The following SKI variants were observed in gnomAD, a reference collection of about 807,000 sequenced individuals.
SKI encodes the protein ski oncogene.
In SKI, 23 loss-of-function variants were observed where a neutral mutation model predicts 59.3. The ratio of observed to expected loss-of-function variants is 0.39; its 90% CI spans 0.28 to 0.55. SKI has a LOEUF of 0.55. Among genes scored for constraint, SKI ranks in the 20% least tolerant of loss-of-function variants. SKI has a pLI of 0.67. For missense variants in SKI, 1,017 were observed against 1,038.9 expected, an observed-to-expected ratio of 0.98 and a Z score of 0.29; for synonymous variants, 673 against 488.6, an observed-to-expected ratio of 1.38 and a Z score of -4.98.
At chr1:2,289,286 G>A (rs532559132) in intron 1 of SKI, among the ~76,000 whole-genome samples, 1 of 152,332 alleles carries the variant, frequency 6.6e-6, no homozygotes, top group South Asian at 2.1e-4. Context: ...ACCTGTCTCA[G>A]TGGCCATGGC....
At chr1:2,239,541 C>T (rs1334671213) in intron 1 of SKI, among the ~76,000 whole-genome samples, 1 of 152,200 alleles carries the variant, frequency 6.6e-6, no homozygotes, top group Non-Finnish European at 1.5e-5. Flanking sequence ...GGGGACACAC[C>T]CTGGACCTGA....
rs1378330658 is a variant in SKI at position 2,270,078 on chromosome 1, C to T, written c.970-32900C>T. Among the ~76,000 whole-genome samples the T allele has an allele frequency of 6.6e-6, 1 of 152,164 alleles. No homozygotes were observed. Among genetic ancestry groups the T allele is most frequent in the East Asian group, 1.9e-4 (1 of 5,188 alleles). ...TCAGGCTGCCGATGGATGAGCCTGC[C>T]TGTCCCCCACGGATTGGAGTTTTGC... On this transcript the variant is annotated intron_variant, in intron 1 of 6. Coordinates refer to ENST00000378536, the MANE Select transcript of SKI (RefSeq NM_003036.4). This position sits in a 1 kb window ranked among gnomAD's most constrained non-coding sequence, Gnocchi z 4.1.
intron 1 of SKI, among the ~76,000 whole-genome samples, chr1:2,241,663 G>C (rs1302598317): frequency 6.6e-6 from 1 of 152,204 alleles, no homozygotes; most frequent in Admixed American, 6.5e-5. Context: ...AAAGTGCTAG[G>C]ATTACAGGTG....
In SKI at chr1:2,306,744, C is replaced by G; in HGVS notation, c.2166C>G (p.Gly722=). The change falls in exon 7 of 7, where the codon GGC becomes GGG. Residue 722 remains glycine (G), a synonymous_variant. Transcript: ENST00000378536. ...RARPEAAGSE[G]AAELEP Reference sequence around the variant, plus strand: ...GCCCCGAGGCTGCGGGCAGCGAGGGCGCTGCGGAGCTGGAGCCGTAGATTC... The same window carrying G: ...GCCCCGAGGCTGCGGGCAGCGAGGGGGCTGCGGAGCTGGAGCCGTAGATTC... 6.6e-7 allele frequency: 1 copy of G among 1,525,436 alleles called. No homozygotes were observed. Among genetic ancestry groups the G allele is most frequent in the Non-Finnish European group, 8.8e-7 (1 of 1,139,224 alleles). The allele number at this position is 1,525,436 out of a possible 1,614,324, so 94.5% of individuals were successfully genotyped here. A position where few individuals can be genotyped will look rare whatever the true frequency, so the allele number is the denominator to read the frequency against.
intron 1 of SKI, among the ~76,000 whole-genome samples, chr1:2,289,660 G>A (rs897238108): frequency 3.3e-5 from 5 of 150,202 alleles, no homozygotes; most frequent in African/African-American, 1.2e-4. Flanking sequence ...CCCGGGGCTG[G>A]CTGTAGCGGC....
chr1:2,286,741 C>T (rs533365050), intron 1 of SKI, among the ~76,000 whole-genome samples: 2 of 152,254 alleles, frequency 1.3e-5, no homozygotes, highest in East Asian at 1.9e-4. Context: ...GCGCCTGTCT[C>T]CCTCCCTCCC....
At chr1:2,236,176 C>T (rs541171300) in intron 1 of SKI, among the ~76,000 whole-genome samples, 1 of 151,912 alleles carries the variant, frequency 6.6e-6, no homozygotes, top group South Asian at 2.1e-4. Context: ...TGGGCTGCCT[C>T]TGCTGGGGTG....
chr1:2,300,479 C>T (rs1249218101), intron 1 of SKI, among the ~76,000 whole-genome samples: 1 of 152,196 alleles, frequency 6.6e-6, no homozygotes, highest in African/African-American at 2.4e-5. Flanking sequence ...GTGGTTTTGT[C>T]CCTGACCGAC....
chr1:2,238,872 G>T (rs1638806168), intron 1 of SKI, among the ~76,000 whole-genome samples: 1 of 152,168 alleles, frequency 6.6e-6, no homozygotes, highest in Non-Finnish European at 1.5e-5. Flanking sequence ...CTGCCTTCTG[G>T]GTTAGGGATA....
In SKI at chr1:2,228,949, G is replaced by C. The variant is rs774187595; in HGVS notation, c.183G>C (p.Pro61=). The C allele has an allele frequency of 2.9e-6, 4 of 1,395,612 alleles. No individual in the cohort carries two copies. Among genetic ancestry groups the C allele is most frequent in the Non-Finnish European group, 3.7e-6 (4 of 1,076,254 alleles). 86.5% of individuals were successfully genotyped at this position (1,395,612 alleles called of 1,614,324 possible). Residue 61 remains proline, a synonymous_variant, in exon 1 of 7, where the codon CCG becomes CCC. Coordinates refer to ENST00000378536, the MANE Select transcript of SKI (RefSeq NM_003036.4). Reference sequence around the variant, plus strand: ...AGGAGGCGGGCGCGGCCGCGGTGCCGGCGCCGGTGCCCGCAGCCACCGAGC... The same window carrying C: ...AGGAGGCGGGCGCGGCCGCGGTGCCCGCGCCGGTGCCCGCAGCCACCGAGC... The part of the protein sequence containing the change: ...SAKEAGAAAV[P]APVPAATEPP...
At chr1:2,306,468 G>A (rs947900497) in intron 6 of SKI, 109 bp from the exon 7 acceptor site, 1 of 1,202,892 alleles carries the variant, frequency 8.3e-7, no homozygotes, top group Non-Finnish European at 1.2e-6. Flanking sequence ...GCCGGCACGC[G>A]GCACTGGGGA....
chr1:2,236,225 T>C (rs1638747113), intron 1 of SKI, among the ~76,000 whole-genome samples: 1 of 152,112 alleles, frequency 6.6e-6, no homozygotes, highest in Admixed American at 6.6e-5. Context: ...CCTGTGTGGT[T>C]GTGTTGCTGG....
intron 1 of SKI, among the ~76,000 whole-genome samples, chr1:2,263,052 GC>G (rs1639421819): frequency 6.6e-6 from 1 of 151,304 alleles, no homozygotes; most frequent in Non-Finnish European, 1.5e-5. Context: ...GGTGTCCACC[GC>G]CACACCCAGC....
chr1:2,248,545 C>T lies in SKI; in HGVS notation c.969+18810C>T, dbSNP rs898417706. ...GGTGCTGGTTGGATTCAAAAGGAAG[C>T]CTGGCAGTGGCGGGGCCTGGACAGG... On this transcript the variant is annotated intron_variant, in intron 1 of 6. Coordinates refer to ENST00000378536, the MANE Select transcript of SKI (RefSeq NM_003036.4). 3.9e-5 allele frequency among the ~76,000 whole-genome samples: 6 copies of T among 152,284 alleles called. 1 individual carries two copies. The South Asian group carries it at 1.0e-3, about 26-fold the overall frequency.
At position 2,308,264 on chromosome 1, in the gene SKI, C is replaced by T. The variant is rs1446910522; in HGVS notation, c.*1499C>T. On this transcript the variant is annotated 3_prime_UTR_variant, in exon 7 of 7. Coordinates refer to ENST00000378536, the MANE Select transcript of SKI (RefSeq NM_003036.4). ...TTACTTGCCCAGGTACAGACGACCT[C>T]GGGGCAGTGACGAGCAAAGACCAGA... The T allele has an allele frequency of 2.0e-5, 3 of 152,138 alleles. No homozygotes were observed. The highest frequency in any genetic ancestry group is 4.4e-5 in the Non-Finnish European group (3 of 68,040). The allele number at this position is 152,138 out of a possible 1,614,324, so 9.4% of individuals were successfully genotyped here. A position where few individuals can be genotyped will look rare whatever the true frequency, so the allele number is the denominator to read the frequency against.
intron 1 of SKI, among the ~76,000 whole-genome samples, chr1:2,245,332 GGACACACGGGT>G (rs1473956592): frequency 2.0e-5 from 3 of 152,120 alleles, no homozygotes; most frequent in Admixed American, 2.0e-4. Flanking sequence ...TTCTGTCAGT[GGACACACGGGT>G]GACTTCCACA....
chr1:2,288,450 G>A (rs1310787274), intron 1 of SKI, among the ~76,000 whole-genome samples: 1 of 152,242 alleles, frequency 6.6e-6, no homozygotes, highest in Non-Finnish European at 1.5e-5. Flanking sequence ...TACATGTTCC[G>A]ATCCCTGAAT....
intron 1 of SKI, among the ~76,000 whole-genome samples, chr1:2,233,104 G>A (rs777301042): frequency 2.6e-5 from 4 of 152,182 alleles, no homozygotes; most frequent in Non-Finnish European, 5.9e-5. Context: ...CCCGCAGAAC[G>A]TCAGCCAAGC....
At chr1:2,240,856 A>C (rs375614756) in intron 1 of SKI, 8 of 955,510 alleles carry the variant, frequency 8.4e-6, no homozygotes, top group East Asian at 2.3e-4. Context: ...GGGGCCGTCC[A>C]CAGCCCTTCG....
Sources: gnomAD v4.1 joint callset for allele counts (sites outside exome capture counted in the v4.1 genomes callset) on GRCh38, gnomAD v4.1.1 for gene constraint, Gnocchi (gnomAD v3.1) non-coding constraint, MANE v1.5 for transcripts, NCBI Gene and HGNC (gene_info 2026-07-23, HGNC 2026-07-21) for gene names.